The following COBL variants were observed in gnomAD, a reference collection of about 807,000 sequenced individuals.
COBL encodes the protein protein cordon-bleu.
Under a neutral mutation model 98.8 loss-of-function variants are expected in COBL, and 51 were observed. The ratio of observed to expected loss-of-function variants is 0.52; its 90% CI spans 0.41 to 0.65. COBL has a LOEUF of 0.65. Among genes scored for constraint, COBL ranks in the 30% least tolerant of loss-of-function variants. The pLI is 0.00. For missense variants in COBL, 1,617 were observed against 1,617.5 expected (o/e 1.00, Z 0.01); for synonymous variants, 634 against 651.7 (o/e 0.97, Z 0.41).
intron 8 of COBL, among the ~76,000 whole-genome samples, chr7:51,037,797 T>G (rs1352988685): frequency 1.3e-5 from 2 of 152,226 alleles, no homozygotes; most frequent in Non-Finnish European, 2.9e-5. Context: ...TACCATCACA[T>G]GACTGGATGA....
intron 1 of COBL, among the ~76,000 whole-genome samples, chr7:51,280,531 G>A (rs182109113): frequency 5.9e-5 from 9 of 152,322 alleles, no homozygotes; most frequent in Admixed American, 6.5e-5. Context: ...CTTTTCTGCT[G>A]CTGCTTTGCC....
intron 2 of COBL, among the ~76,000 whole-genome samples, chr7:51,207,310 T>A (rs1004364724): frequency 6.6e-6 from 1 of 151,996 alleles, no homozygotes; most frequent in South Asian, 2.1e-4. Flanking sequence ...AACAAGCGAT[T>A]ACAGATCACC....
intron 2 of COBL, among the ~76,000 whole-genome samples, chr7:51,208,499 C>A (rs1409167617): frequency 2.6e-5 from 4 of 151,792 alleles, no homozygotes; most frequent in African/African-American, 7.3e-5. Flanking sequence ...CGCCTCTGCC[C>A]GGCTGCCCCT....
chr7:51,287,036 C>T (rs1024830508), intron 1 of COBL, among the ~76,000 whole-genome samples: 18 of 152,152 alleles, frequency 1.2e-4, no homozygotes, highest in African/African-American at 4.3e-4. Flanking sequence ...CATGTTGTTA[C>T]TTACAAGCGG....
chr7:51,079,985 T>C (rs996108242), intron 7 of COBL, among the ~76,000 whole-genome samples: 6 of 152,194 alleles, frequency 3.9e-5, no homozygotes, highest in Admixed American at 2.6e-4. Context: ...CTAATAACAG[T>C]TTCAGCATCA....
intron 6 of COBL, among the ~76,000 whole-genome samples, chr7:51,088,411 G>A (rs1249385922): frequency 3.0e-5 from 4 of 133,846 alleles, no homozygotes; most frequent in Non-Finnish European, 6.4e-5. Flanking sequence ...TTTTTTTTTT[G>A]TTTTTTGTTT....
chr7:51,050,122 C>A (rs1790094370), intron 7 of COBL, among the ~76,000 whole-genome samples: 1 of 152,176 alleles, frequency 6.6e-6, no homozygotes, highest in Admixed American at 6.5e-5. Context: ...CTCCAGAGCA[C>A]TACTATATAC....
intron 1 of COBL, chr7:51,259,701 A>C (rs2129146576): frequency 1.4e-6 from 1 of 739,650 alleles, no homozygotes; most frequent in East Asian, 2.5e-5. Flanking sequence ...ACCTTGGCTC[A>C]TCCACATTTC....
At chr7:51,198,128 T>A (rs929008058) in intron 2 of COBL, among the ~76,000 whole-genome samples, 2 of 152,184 alleles carry the variant, frequency 1.3e-5, no homozygotes, top group Admixed American at 6.5e-5. Flanking sequence ...TGTACTTTAG[T>A]GTTAGTAGCT....
chr7:51,309,774 C>T (rs11763208), intron 1 of COBL, among the ~76,000 whole-genome samples: 48,401 of 151,912 alleles, frequency 0.32, 9,104 homozygotes, highest in Non-Finnish European at 0.43. Flanking sequence ...ACCAATGACA[C>T]AAAAGCTTAC....
At chr7:51,315,236 T>C (rs543800279) in intron 1 of COBL, among the ~76,000 whole-genome samples, 1 of 146,124 alleles carries the variant, frequency 6.8e-6, no homozygotes, top group Admixed American at 7.0e-5. Context: ...AAGAGAATTA[T>C]ATAACCACCA....
At chr7:51,051,573 A>G (rs1166528257) in intron 7 of COBL, among the ~76,000 whole-genome samples, 2 of 152,218 alleles carry the variant, frequency 1.3e-5, no homozygotes, top group Non-Finnish European at 2.9e-5. Context: ...ATTAAAAACA[A>G]AATTGTCTAC....
chr7:51,153,415 T>C (rs1785769693), intron 5 of COBL, among the ~76,000 whole-genome samples: 1 of 152,234 alleles, frequency 6.6e-6, no homozygotes. Flanking sequence ...TATTCTATGC[T>C]AAAAAGCAAC....
At chr7:51,158,526 G>A (rs1562976768) in intron 5 of COBL, among the ~76,000 whole-genome samples, 1 of 152,186 alleles carries the variant, frequency 6.6e-6, no homozygotes, top group Non-Finnish European at 1.5e-5. Flanking sequence ...GGAAGCAAAG[G>A]TGGTGCTAGC....
chr7:51,070,628 C>T (rs760416785), intron 7 of COBL, among the ~76,000 whole-genome samples: 2 of 152,118 alleles, frequency 1.3e-5, no homozygotes, highest in African/African-American at 2.4e-5. Flanking sequence ...TTAGTCTGCA[C>T]GTGGAAACGT....
At position 51,244,773 on chromosome 7, in the gene COBL, G is replaced by A. The variant is rs191995365; in HGVS notation, c.42-24829C>T. On this transcript the variant is annotated intron_variant, in intron 1 of 12. Coordinates refer to ENST00000265136, the MANE Select transcript of COBL (RefSeq NM_015198.5). ...TTGCTCTCAGCCCCATTATATCATTGCTGCAGCCATTCCAAGTCCCGGAAG... is the reference window on the plus strand; with the variant it reads ...TTGCTCTCAGCCCCATTATATCATTACTGCAGCCATTCCAAGTCCCGGAAG... 5.9e-4 allele frequency among the ~76,000 whole-genome samples: 90 copies of A among 152,274 alleles called. 1 individual carries two copies. Among genetic ancestry groups the A allele is most frequent in the Admixed American group, 2.8e-3 (43 of 15,294 alleles).
intron 1 of COBL, among the ~76,000 whole-genome samples, chr7:51,289,167 T>C (rs550240406): frequency 6.6e-6 from 1 of 152,168 alleles, no homozygotes; most frequent in East Asian, 1.9e-4. Flanking sequence ...CCTTTTTAAA[T>C]TGTTATTCTT....
intron 12 of COBL, among the ~76,000 whole-genome samples, chr7:51,021,605 G>T (rs1786943582): frequency 6.6e-6 from 1 of 152,164 alleles, no homozygotes; most frequent in African/African-American, 2.4e-5. Context: ...TAGGATTACA[G>T]CTGTGAGCCA....
At chr7:51,301,403 C>T (rs1297180554) in intron 1 of COBL, among the ~76,000 whole-genome samples, 1 of 152,210 alleles carries the variant, frequency 6.6e-6, no homozygotes, top group Non-Finnish European at 1.5e-5. Context: ...CCTGGGCCCC[C>T]ATCACCTGTA....
Sources: gnomAD v4.1 joint callset for allele counts (sites outside exome capture counted in the v4.1 genomes callset) on GRCh38, gnomAD v4.1.1 for gene constraint, MANE v1.5 for transcripts, NCBI Gene and HGNC (gene_info 2026-07-23, HGNC 2026-07-21) for gene names.